The following TNKS variants were observed in gnomAD, a reference collection of about 807,000 sequenced individuals.
TNKS encodes tankyrase.
A neutral mutation model predicts 135.8 loss-of-function variants in TNKS; 72 were observed. The observed-to-expected ratio is 0.53, with a 90% CI of 0.44 to 0.64. The LOEUF (loss-of-function observed/expected upper bound fraction) is 0.64. Ranked by LOEUF, TNKS falls within the 30% of genes least tolerant of loss-of-function variation. The probability of loss-of-function intolerance (pLI) is 0.00; values close to 1 mark genes in which losing one functional copy is unlikely to be tolerated. For missense variants in TNKS, 1,769 were observed against 1,674.0 expected (o/e 1.06, Z -0.99); for synonymous variants, 849 against 649.3 (o/e 1.31, Z -4.68).
chr8:9,665,381 G>T (rs1801938884), intron 3 of TNKS, among the ~76,000 whole-genome samples: 1 of 152,200 alleles, frequency 6.6e-6, no homozygotes, highest in Non-Finnish European at 1.5e-5. Context: ...ATGCTCTTCA[G>T]CAGTTGCCAG....
At chr8:9,558,080 C>G (rs967656260) in intron 1 of TNKS, 2 of 152,154 alleles carry the variant, frequency 1.3e-5, no homozygotes, top group Non-Finnish European at 2.9e-5. Flanking sequence ...GTAGCCCATA[C>G]TTAGAAATAC....
chr8:9,743,164 C>T (rs1052281458), intron 17 of TNKS, among the ~76,000 whole-genome samples: 3 of 152,202 alleles, frequency 2.0e-5, no homozygotes, highest in African/African-American at 7.2e-5. Flanking sequence ...GGCATATCAT[C>T]TGGAATACAG....
chr8:9,622,416 C>T (rs11784181), intron 3 of TNKS, among the ~76,000 whole-genome samples: 122,394 of 152,100 alleles, frequency 0.8, 49,520 homozygotes, highest in Middle Eastern at 0.88. Flanking sequence ...TTCAAGGGCG[C>T]TGAATCCTCA....
chr8:9,565,548 CTG>C (rs1265148816), intron 1 of TNKS, among the ~76,000 whole-genome samples: 1 of 152,128 alleles, frequency 6.6e-6, no homozygotes, highest in Non-Finnish European at 1.5e-5. Flanking sequence ...GCTATAGTCT[CTG>C]TGTCATTAGT....
chr8:9,765,740 C>G lies in TNKS; in HGVS notation c.3496C>G (p.Gln1166Glu), dbSNP rs1383387628. Residue 1166 changes from glutamine to glutamate, a missense_variant, in exon 24 of 27, where the codon CAG becomes GAG. By Grantham distance (29) the Gln-to-Glu change is conservative. Around this residue, in one of 5 missense-constraint regions of TNKS, gnomAD observed 722 missense variants for 688.9 expected, o/e 1.05. Transcript: ENST00000310430. ...KKLRERFCHR[Q>E]KEVSEENHNH... Reference sequence around the variant, plus strand: ...GTTGAGGGAGCGGTTCTGCCACCGACAGAAGGAAGTGTCTGAGGAGAATCA... The same window carrying G: ...GTTGAGGGAGCGGTTCTGCCACCGAGAGAAGGAAGTGTCTGAGGAGAATCA... The G allele has an allele frequency of 1.2e-6, 2 of 1,613,858 alleles. No homozygotes were observed. Among genetic ancestry groups the G allele is most frequent in the Non-Finnish European group, 1.7e-6 (2 of 1,179,936 alleles).
chr8:9,751,001 A>C (rs949016248), intron 18 of TNKS, among the ~76,000 whole-genome samples: 1 of 152,236 alleles, frequency 6.6e-6, no homozygotes, highest in South Asian at 2.1e-4. Context: ...CAAAAGCCTC[A>C]GAATGTCACT....
intron 2 of TNKS, among the ~76,000 whole-genome samples, chr8:9,584,463 T>G (rs1169140105): frequency 6.6e-6 from 1 of 152,190 alleles, no homozygotes; most frequent in African/African-American, 2.4e-5. Context: ...TTTGCTTTAG[T>G]GTGGGCAGTG....
rs563000093 is a variant in TNKS at position 9,634,400 on chromosome 8, A to G, written c.994+18723A>G. ...AAGAACTAATCTAAGTAACTTTTGA[A>G]CGTAATTCTTTGACTTCATATTCTT... On this transcript the variant is annotated intron_variant, in intron 3 of 26. Coordinates refer to ENST00000310430, the MANE Select transcript of TNKS (RefSeq NM_003747.3). Among the ~76,000 whole-genome samples, 4 of 152,328 alleles carry G rather than the reference A, an allele frequency of 2.6e-5. No individual in the cohort carries two copies. The South Asian group carries it at 6.2e-4, about 24-fold the overall frequency.
chr8:9,709,584 C>T (rs1804216197), intron 9 of TNKS, among the ~76,000 whole-genome samples: 1 of 152,124 alleles, frequency 6.6e-6, no homozygotes, highest in Admixed American at 6.5e-5. Context: ...GAAATACTGA[C>T]TTGTGTGGCT....
At chr8:9,566,830 G>A (rs796566215) in intron 1 of TNKS, among the ~76,000 whole-genome samples, 4 of 151,300 alleles carry the variant, frequency 2.6e-5, no homozygotes, top group South Asian at 4.2e-4. Flanking sequence ...GGATGGTCTC[G>A]ATCTCCTGCC....
At chr8:9,597,439 T>C (rs1247378480) in intron 2 of TNKS, among the ~76,000 whole-genome samples, 1 of 152,210 alleles carries the variant, frequency 6.6e-6, no homozygotes, top group Non-Finnish European at 1.5e-5. Flanking sequence ...CAGCGTGAAT[T>C]TGTGTTACAT....
At chr8:9,736,436 C>G (rs1376993357) in intron 17 of TNKS, among the ~76,000 whole-genome samples, 3 of 151,998 alleles carry the variant, frequency 2.0e-5, no homozygotes, top group Non-Finnish European at 4.4e-5. Context: ...GCTAAAACCT[C>G]CAGGTGAAAG....
At chr8:9,564,144 G>T (rs1563381325) in intron 1 of TNKS, among the ~76,000 whole-genome samples, 2 of 151,994 alleles carry the variant, frequency 1.3e-5, no homozygotes, top group Non-Finnish European at 2.9e-5. Flanking sequence ...TTGTGCTAAG[G>T]GCATTTTATA....
intron 23 of TNKS, 75 bp downstream of exon 23, chr8:9,764,865 A>T: frequency 8.4e-7 from 1 of 1,186,918 alleles, no homozygotes; most frequent in Non-Finnish European, 1.2e-6. Context: ...CAATGAAAAA[A>T]GTTTATTAAG....
intron 3 of TNKS, among the ~76,000 whole-genome samples, chr8:9,632,997 G>A (rs576868549): frequency 1.3e-5 from 2 of 152,288 alleles, no homozygotes; most frequent in South Asian, 4.1e-4. Flanking sequence ...CCAAAGTGCT[G>A]GAATTACAGG....
intron 5 of TNKS, among the ~76,000 whole-genome samples, chr8:9,700,869 T>C (rs1003672323): frequency 6.6e-6 from 1 of 152,152 alleles, no homozygotes; most frequent in African/African-American, 2.4e-5. Flanking sequence ...CAAAGCATTG[T>C]AAATCTTACA....
intron 3 of TNKS, among the ~76,000 whole-genome samples, chr8:9,657,676 A>C (rs1271554425): frequency 2.7e-5 from 2 of 75,276 alleles, no homozygotes; most frequent in Non-Finnish European, 5.4e-5. Flanking sequence ...TCCCTCCCGG[A>C]CGGGGTGGCT....
At position 9,556,137 on chromosome 8, in the gene TNKS, G is replaced by A. The variant is rs1207426129; in HGVS notation, c.198G>A (p.Pro66=). The part of the protein sequence containing the change: ...FASPRHGLAL[P]EGDGSRDPPD... The stretch of plus-strand genomic sequence containing the variant: ...CCCCGCGGCACGGCCTAGCGCTGCC[G>A]GAGGGGGATGGCAGTCGGGATCCGC... The change falls in exon 1 of 27, where the codon CCG becomes CCA. Residue 66 remains proline, a synonymous_variant. Transcript: ENST00000310430. The A allele has an allele frequency of 1.9e-6, 3 of 1,606,744 alleles. No homozygotes were observed. In the African/African-American group the frequency reaches 4.0e-5, roughly 21 times the overall value.
intron 1 of TNKS, among the ~76,000 whole-genome samples, chr8:9,571,711 G>A (rs1409300976): frequency 3.3e-5 from 5 of 152,122 alleles, no homozygotes. Context: ...AAAGTGCTGG[G>A]CCTCAGCCTA....
Sources: gnomAD v4.1 joint callset for allele counts (sites outside exome capture counted in the v4.1 genomes callset) on GRCh38, gnomAD v4.1.1 for gene constraint, gnomAD v4.1.1 regional missense constraint, MANE v1.5 for transcripts, NCBI Gene and HGNC (gene_info 2026-07-23, HGNC 2026-07-21) for gene names.